Variants in CSF2RB observed in about 807,000 individuals in gnomAD.
CSF2RB encodes the protein colony stimulating factor 2 receptor subunit beta.
Under a neutral mutation model 67.2 loss-of-function variants are expected in CSF2RB, and 22 were observed. The observed-to-expected ratio is 0.33, with a 90% CI of 0.23 to 0.47. CSF2RB has a LOEUF of 0.47. CSF2RB is among the 20% of genes least tolerant of loss of function. The pLI, the probability that CSF2RB is intolerant of heterozygous loss-of-function variation, is 1.00. For missense variants in CSF2RB, 1,113 were observed against 1,174.5 expected (o/e 0.95, Z 0.76); for synonymous variants, 507 against 482.9 (o/e 1.05, Z -0.65).
rs144121587 is a variant in CSF2RB at position 36,914,374 on chromosome 22, A to G, written c.-173+697A>G. 4.3e-4 allele frequency among the ~76,000 whole-genome samples: 65 copies of G among 150,026 alleles called. 1 individual carries two copies. The highest frequency in any genetic ancestry group is 1.6e-3 in the African/African-American group (63 of 40,578). The stretch of plus-strand genomic sequence containing the variant: ...CCAGCACTTTGCCCAGAGACATACC[A>G]GGCACTATCCAGCAATCTCTCTCTC... On this transcript the variant is annotated intron_variant, in intron 1 of 13. Coordinates refer to ENST00000403662, the MANE Select transcript of CSF2RB (RefSeq NM_000395.3).
chr22:36,936,029 T>C (rs1429124148), intron 12 of CSF2RB, among the ~76,000 whole-genome samples: 1 of 152,126 alleles, frequency 6.6e-6, no homozygotes, highest in Non-Finnish European at 1.5e-5. Context: ...ACAAGATACC[T>C]GGGCTGAGCT....
intron 6 of CSF2RB, 43 bp downstream of exon 6, chr22:36,929,850 C>T (rs369329051): frequency 2.7e-5 from 43 of 1,591,612 alleles, no homozygotes; most frequent in Non-Finnish European, 3.5e-5. Flanking sequence ...GGTGGGAGGG[C>T]AGGCTCATCA....
intron 10 of CSF2RB, among the ~76,000 whole-genome samples, 164 bp from the exon 11 acceptor site, chr22:36,935,187 T>C (rs1210320343): frequency 6.6e-6 from 1 of 152,148 alleles, no homozygotes; most frequent in Non-Finnish European, 1.5e-5. Flanking sequence ...CTTCCCAGCA[T>C]GGATCTGGCC....
chr22:36,932,669 C>A, intron 8 of CSF2RB, 96 bp from the exon 9 acceptor site: 1 of 1,435,320 alleles, frequency 7.0e-7, no homozygotes, highest in South Asian at 1.2e-5. Flanking sequence ...GGGTCTGGTG[C>A]CAGTGGAGAC....
At chr22:36,924,400 C>A (rs1232612301) in intron 3 of CSF2RB, among the ~76,000 whole-genome samples, 1 of 152,098 alleles carries the variant, frequency 6.6e-6, no homozygotes, top group Admixed American at 6.5e-5. Flanking sequence ...CTGCCCTGTG[C>A]CACCCACCAT....
At position 36,926,044 on chromosome 22, in the gene CSF2RB, C is replaced by T. The variant is rs896034299; in HGVS notation, c.258C>T (p.Cys86=). ...DLSDDMPWSA[C]PHPRCVPRRC... is the part of the protein sequence containing the mutation. ...GTGATGACATGCCCTGGTCAGCCTG[C>T]CCCCATCCCCGCTGCGTGCCCAGGA... The change falls in exon 4 of 14, where the codon TGC becomes TGT. Residue 86 remains cysteine (C), a synonymous_variant. Transcript: ENST00000403662. 1 of 1,614,216 alleles carries T rather than the reference C, an allele frequency of 6.2e-7. No individual in the cohort carries two copies. Among genetic ancestry groups the T allele is most frequent in the Non-Finnish European group, 8.5e-7 (1 of 1,180,036 alleles).
In CSF2RB at chr22:36,922,253, T is replaced by C. The variant is rs1210055811; in HGVS notation, c.46T>C (p.Cys16Arg). Residue 16 changes from cysteine (C) to arginine (R), a missense_variant, in exon 2 of 14, where the codon TGC becomes CGC. Transcript: ENST00000403662. Reference protein sequence around the residue: ...GLLSMALLALCWERSLAGAEE... With the variant: ...GLLSMALLALRWERSLAGAEE... The stretch of plus-strand genomic sequence containing the variant: ...GCTCTCCATGGCCCTGCTGGCCCTG[T>C]GCTGGGAGCGCAGCCTGGCAGGGGC... The C allele has an allele frequency of 6.3e-7, 1 of 1,586,188 alleles. No individual in the cohort carries two copies. Among genetic ancestry groups the C allele is most frequent in the African/African-American group, 1.3e-5 (1 of 74,490 alleles).
At chr22:36,930,558 TCTC>T in intron 7 of CSF2RB, 48 bp downstream of exon 7, 1 of 1,611,758 alleles carries the variant, frequency 6.2e-7, no homozygotes, top group South Asian at 1.1e-5. Context: ...GGCCTTGCTC[TCTC>T]CAAGCTTCCT....
At chr22:36,916,902 T>G (rs953146364) in intron 1 of CSF2RB, among the ~76,000 whole-genome samples, 4 of 152,150 alleles carry the variant, frequency 2.6e-5, no homozygotes, top group African/African-American at 9.7e-5. Context: ...ATTAAATTCC[T>G]TTTTGGAATT....
intron 1 of CSF2RB, among the ~76,000 whole-genome samples, chr22:36,915,167 C>A (rs2145761853): frequency 6.6e-6 from 1 of 152,274 alleles, no homozygotes; most frequent in South Asian, 2.1e-4. Context: ...TCACTGCAAC[C>A]TCTGCCTCCC....
chr22:36,926,346 G>T (rs1941017219), intron 4 of CSF2RB, among the ~76,000 whole-genome samples, 169 bp downstream of exon 4: 1 of 152,160 alleles, frequency 6.6e-6, no homozygotes, highest in South Asian at 2.1e-4. Context: ...AGAGCAGAGG[G>T]GCCCCTGACA....
rs770610162 is a variant in CSF2RB at position 36,938,324 on chromosome 22, C to G, written c.2516C>G (p.Pro839Arg). Reference sequence around the variant, plus strand: ...GGCCCTCTCTCGCTCCGGAGTAAACCTTCTTCCCCGGGACCCGGTCCTGAG... The same window carrying G: ...GGCCCTCTCTCGCTCCGGAGTAAACGTTCTTCCCCGGGACCCGGTCCTGAG... ...GPGPLSLRSK[P>R]SSPGPGPEIK... Residue 839 changes from proline to arginine, a missense_variant, in exon 14 of 14, where the codon CCT (proline) becomes CGT (arginine). Physicochemically the swap from Pro to Arg is moderately radical, Grantham distance 103. Coordinates refer to ENST00000403662, the MANE Select transcript of CSF2RB (RefSeq NM_000395.3). 6.2e-7 allele frequency: 1 copy of G among 1,614,186 alleles called. No individual in the cohort carries two copies. Among genetic ancestry groups the G allele is most frequent in the Non-Finnish European group, 8.5e-7 (1 of 1,180,038 alleles).
intron 3 of CSF2RB, chr22:36,923,859 C>A: frequency 8.7e-7 from 1 of 1,147,890 alleles, no homozygotes; most frequent in Non-Finnish European, 1.2e-6. Context: ...AGTGGCAGAG[C>A]AAGCTGTGTG....
In CSF2RB at chr22:36,933,992, C is replaced by A; in HGVS notation, c.1313C>A (p.Ser438Ter). Residue 438 changes from serine to a stop codon, truncating the protein, a stop_gained and splice_region_variant, in exon 10 of 14, where the codon TCG becomes TAG. Coordinates refer to ENST00000403662, the MANE Select transcript of CSF2RB (RefSeq NM_000395.3). LOFTEE classifies it high-confidence loss of function. ...GAGGCGCGCTCCTGGGACACCGAGT[C>A]GGGTAGGTGAAGGCTGGAGTCCAGA... is the stretch of plus-strand genomic sequence containing the variant. ...WSEARSWDTESVLPMWVLALI... is the reference protein window; with the variant it reads ...WSEARSWDTE The A allele has an allele frequency of 6.2e-7, 1 of 1,612,200 alleles. No homozygotes were observed. The highest frequency in any genetic ancestry group is 8.5e-7 in the Non-Finnish European group (1 of 1,179,980).
chr22:36,921,297 G>A (rs1232635939), intron 1 of CSF2RB, among the ~76,000 whole-genome samples: 1 of 150,528 alleles, frequency 6.6e-6, no homozygotes, highest in African/African-American at 2.4e-5. Flanking sequence ...TGTGTATATT[G>A]TATGTATCTG....
chr22:36,929,650 C>A lies in CSF2RB; in HGVS notation c.561C>A (p.Ile187=), dbSNP rs1188693162. The part of the protein sequence containing the change: ...RLQDSWEDAA[I]LLSNTSQATL... ...CTGTCTCCTGACAGGACGCAGCCATCCTCCTCTCCAACACCTCCCAGGCCA... is the reference window on the plus strand; with the variant it reads ...CTGTCTCCTGACAGGACGCAGCCATACTCCTCTCCAACACCTCCCAGGCCA... Residue 187 remains isoleucine (I), a synonymous_variant, in exon 6 of 14, where the codon ATC becomes ATA. Transcript: ENST00000403662. 6.2e-7 allele frequency: 1 copy of A among 1,614,126 alleles called. No individual in the cohort carries two copies. The highest frequency in any genetic ancestry group is 8.5e-7 in the Non-Finnish European group (1 of 1,180,044).
intron 3 of CSF2RB, among the ~76,000 whole-genome samples, chr22:36,924,930 C>T (rs1601583506): frequency 1.3e-5 from 2 of 152,178 alleles, no homozygotes; most frequent in East Asian, 3.9e-4. Context: ...GAGACCCCCT[C>T]AGGCCCCTGG....
intron 1 of CSF2RB, among the ~76,000 whole-genome samples, chr22:36,918,904 C>G (rs1940785832): frequency 6.6e-6 from 1 of 152,200 alleles, no homozygotes; most frequent in Non-Finnish European, 1.5e-5. Context: ...TCCAAAATAG[C>G]TGCTGAAGCT....
chr22:36,922,219 C>T lies in CSF2RB; in HGVS notation c.12C>T (p.Ala4=). The T allele has an allele frequency of 6.3e-7, 1 of 1,589,046 alleles. No homozygotes were observed. Among genetic ancestry groups the T allele is most frequent in the Non-Finnish European group, 8.6e-7 (1 of 1,168,502 alleles). MVL[A]QGLLSMALLA... ...AGCTGACCAGGGAGATGGTGCTGGC[C>T]CAGGGGCTGCTCTCCATGGCCCTGC... Residue 4 remains alanine, a synonymous_variant, in exon 2 of 14, where the codon GCC becomes GCT. Coordinates refer to ENST00000403662, the MANE Select transcript of CSF2RB (RefSeq NM_000395.3).
Sources: allele counts gnomAD v4.1 joint callset (sites outside exome capture counted in the v4.1 genomes callset), GRCh38; gene constraint gnomAD v4.1.1; transcripts MANE v1.5; gene names NCBI Gene and HGNC (gene_info 2026-07-23, HGNC 2026-07-21).